Variants in XKR6 observed in about 807,000 individuals in gnomAD.
The protein encoded by XKR6 is XK-related protein 6.
Under a neutral mutation model 56.7 loss-of-function variants are expected in XKR6, and 22 were observed. The ratio of observed to expected loss-of-function variants is 0.39; its 90% CI spans 0.28 to 0.55. The LOEUF (loss-of-function observed/expected upper bound fraction) is 0.55, where lower values mean the gene tolerates loss of function less well. XKR6 is among the 20% of genes least tolerant of loss of function. The pLI is 0.66. For synonymous variants in XKR6, 524 were observed against 387.8 expected (o/e 1.35, Z -4.13); for missense variants, 852 against 889.0 (o/e 0.96, Z 0.53).
intron 1 of XKR6, among the ~76,000 whole-genome samples, chr8:11,089,488 A>AG (rs1797997165): frequency 6.6e-6 from 1 of 152,112 alleles, no homozygotes; most frequent in Non-Finnish European, 1.5e-5. Flanking sequence ...GTTAAAAAAA[A>AG]TAGCAGGGTG....
At chr8:11,023,277 C>A (rs1450625526) in intron 1 of XKR6, among the ~76,000 whole-genome samples, 1 of 152,200 alleles carries the variant, frequency 6.6e-6, no homozygotes, top group Non-Finnish European at 1.5e-5. Flanking sequence ...AGATCCCAGA[C>A]CCTGTTCTGC....
chr8:11,002,511 GC>G, intron 1 of XKR6: 1 of 343,672 alleles, frequency 2.9e-6, no homozygotes, highest in Non-Finnish European at 6.2e-6. Flanking sequence ...GATACACTGA[GC>G]AAGCAGGAAT....
chr8:11,111,686 G>C (rs1021156568), intron 1 of XKR6: 2 of 152,070 alleles, frequency 1.3e-5, no homozygotes, highest in Non-Finnish European at 2.9e-5. Context: ...AATACTGATA[G>C]CTGATAATGA....
intron 1 of XKR6, among the ~76,000 whole-genome samples, chr8:11,178,148 T>C (rs1351071468): frequency 6.6e-6 from 1 of 152,152 alleles, no homozygotes; most frequent in African/African-American, 2.4e-5. Context: ...ACAGCTTATC[T>C]TAATGAAAAC....
In XKR6 at chr8:10,955,385, T is replaced by C. The variant is rs369012769; in HGVS notation, c.765-30555A>G. On this transcript the variant is annotated intron_variant, in intron 1 of 2. Coordinates refer to ENST00000416569, the MANE Select transcript of XKR6 (RefSeq NM_173683.4). ...TTGTACAGACAAAGTGTCACTATGT[T>C]ATCCAGGCTAGCCTTGAACTTTTGG... is the stretch of plus-strand genomic sequence containing the variant. Among the ~76,000 whole-genome samples, 7 of 152,236 alleles carry C rather than the reference T, an allele frequency of 4.6e-5. No individual in the cohort carries two copies. The East Asian group carries it at 7.7e-4, about 17-fold the overall frequency.
intron 1 of XKR6, among the ~76,000 whole-genome samples, chr8:10,967,083 G>A (rs1404239073): frequency 6.6e-6 from 1 of 152,156 alleles, no homozygotes; most frequent in Non-Finnish European, 1.5e-5. Context: ...GAGTCAGCCC[G>A]CATTCCAACA....
chr8:11,196,914 G>C (rs897036262), intron 1 of XKR6, among the ~76,000 whole-genome samples: 2 of 152,172 alleles, frequency 1.3e-5, no homozygotes, highest in East Asian at 3.8e-4. Context: ...CAGGAGGGCA[G>C]GGGAGTGATT....
rs367954700 is a variant in XKR6, at chr8:11,195,243, T to C, written c.764+5333A>G. 8 of 699,922 alleles carry C rather than the reference T, an allele frequency of 1.1e-5. No individual in the cohort carries two copies. The East Asian group carries it at 1.3e-4, about 12-fold the overall frequency. The allele number at this position is 699,922 out of a possible 1,614,324, so 43.4% of individuals were successfully genotyped here. A position where few individuals can be genotyped will look rare whatever the true frequency, so the allele number is the denominator to read the frequency against. ...CCCACTGCAACATTATAAAAAATAA[T>C]CACCCTAGTGTTTTTACAGTTTAAC... On this transcript the variant is annotated intron_variant, in intron 1 of 2. Coordinates refer to ENST00000416569, the MANE Select transcript of XKR6 (RefSeq NM_173683.4).
In XKR6 at chr8:10,897,878, G is replaced by T. The variant is rs764440272; in HGVS notation, c.*74C>A. 2.0e-6 allele frequency: 3 copies of T among 1,503,946 alleles called. No homozygotes were observed. Among genetic ancestry groups the T allele is most frequent in the Non-Finnish European group, 2.7e-6 (3 of 1,129,864 alleles). 93.2% of individuals were successfully genotyped at this position (1,503,946 alleles called of 1,614,324 possible). ...GGTTCTGTGTATTGGGGGAAGGGAGGGTTATATTTCTTGCAAGTGCTGTTT... is the reference window on the plus strand; with the variant it reads ...GGTTCTGTGTATTGGGGGAAGGGAGTGTTATATTTCTTGCAAGTGCTGTTT... On this transcript the variant is annotated 3_prime_UTR_variant, in exon 3 of 3. Coordinates refer to ENST00000416569, the MANE Select transcript of XKR6 (RefSeq NM_173683.4).
intron 1 of XKR6, among the ~76,000 whole-genome samples, chr8:10,983,951 G>A (rs747291778): frequency 2.0e-5 from 3 of 152,072 alleles, no homozygotes; most frequent in Non-Finnish European, 4.4e-5. Flanking sequence ...CACTGCGCCC[G>A]GCCTTACATA....
intron 1 of XKR6, among the ~76,000 whole-genome samples, chr8:10,981,678 C>T (rs1391506026): frequency 6.6e-6 from 1 of 152,142 alleles, no homozygotes; most frequent in African/African-American, 2.4e-5. Context: ...TAAAGATGCC[C>T]AGGTAGTGTC....
At chr8:10,906,876 T>A (rs1800201979) in intron 2 of XKR6, among the ~76,000 whole-genome samples, 1 of 152,102 alleles carries the variant, frequency 6.6e-6, no homozygotes, top group African/African-American at 2.4e-5. Flanking sequence ...GTATTTAGTC[T>A]CCACTAAAAT....
At chr8:11,138,735 G>A (rs554165421) in intron 1 of XKR6, 1 of 152,110 alleles carries the variant, frequency 6.6e-6, no homozygotes, top group Admixed American at 6.5e-5. Flanking sequence ...TGAAAATGGG[G>A]AGATTATGAT....
chr8:11,052,273 G>T (rs1799569456), intron 1 of XKR6, among the ~76,000 whole-genome samples: 1 of 152,078 alleles, frequency 6.6e-6, no homozygotes, highest in Admixed American at 6.6e-5. Flanking sequence ...GCTCAGAGGG[G>T]CCTCCCTTGA....
At chr8:10,977,391 T>A (rs1358673863) in intron 1 of XKR6, among the ~76,000 whole-genome samples, 6 of 151,770 alleles carry the variant, frequency 4.0e-5, no homozygotes, top group Non-Finnish European at 8.8e-5. Flanking sequence ...CCTAACCCCC[T>A]GCACAGGTTA....
Position 11,172,769 on chromosome 8 carries a change from G to C in XKR6, c.764+27807C>G, listed in dbSNP as rs138148694. On this transcript the variant is annotated intron_variant, in intron 1 of 2. Coordinates refer to ENST00000416569, the MANE Select transcript of XKR6 (RefSeq NM_173683.4). Reference sequence around the variant, plus strand: ...TCCATGGTTTTCTCCAGATATGTCTGCCTACTCAGCAGGAGCAAAGGCCAG... The same window carrying C: ...TCCATGGTTTTCTCCAGATATGTCTCCCTACTCAGCAGGAGCAAAGGCCAG... Among the ~76,000 whole-genome samples, 143 of 152,112 alleles carry C rather than the reference G, an allele frequency of 9.4e-4. 1 individual carries two copies. Among genetic ancestry groups the C allele is most frequent in the Middle Eastern group, 6.8e-3 (2 of 294 alleles).
intron 1 of XKR6, among the ~76,000 whole-genome samples, chr8:11,064,960 C>G (rs965282739): frequency 1.3e-5 from 2 of 152,144 alleles, no homozygotes; most frequent in African/African-American, 4.8e-5. Flanking sequence ...TGTCTATACT[C>G]TTTGTTACTC....
At chr8:10,899,442 G>T (rs1799976035) in intron 2 of XKR6, among the ~76,000 whole-genome samples, 2 of 152,168 alleles carry the variant, frequency 1.3e-5, no homozygotes, top group African/African-American at 4.8e-5. Context: ...CTCACTCAAA[G>T]TCCCAAAAGG....
chr8:10,904,533 TGACAGGGCG>T (rs1297017174), intron 2 of XKR6, among the ~76,000 whole-genome samples: 49 of 152,220 alleles, frequency 3.2e-4, no homozygotes, highest in Non-Finnish European at 6.0e-4. Context: ...AGAAGCACAG[TGACAGGGCG>T]TCTTGCAAAG....
Sources: gnomAD v4.1 joint callset for allele counts (sites outside exome capture counted in the v4.1 genomes callset) on GRCh38, gnomAD v4.1.1 for gene constraint, MANE v1.5 for transcripts, NCBI Gene and HGNC (gene_info 2026-07-23, HGNC 2026-07-21) for gene names.